The following RELN variants were observed in gnomAD, a reference collection of about 807,000 sequenced individuals.
The protein encoded by RELN is reelin.
RELN carries 108 observed loss-of-function variants against 427.6 expected under a neutral mutation model. The ratio of observed to expected loss-of-function variants is 0.25; its 90% CI spans 0.22 to 0.30. RELN has a LOEUF of 0.30. Ranked by LOEUF, RELN falls within the 10% of genes least tolerant of loss-of-function variation. The probability of loss-of-function intolerance (pLI) is 1.00; values close to 1 mark genes in which losing one functional copy is unlikely to be tolerated. For missense variants in RELN, 3,715 were observed against 4,302.8 expected (o/e 0.86, Z 3.82); for synonymous variants, 1,524 against 1,513.4 (o/e 1.01, Z -0.16).
chr7:103,582,401 C>A (rs1457717242), intron 28 of RELN, among the ~76,000 whole-genome samples: 1 of 152,200 alleles, frequency 6.6e-6, no homozygotes, highest in East Asian at 1.9e-4. Flanking sequence ...CTGCCACCTA[C>A]ACAACAAATT....
At chr7:103,888,476 A>C (rs1008378485) in intron 2 of RELN, among the ~76,000 whole-genome samples, 1 of 152,270 alleles carries the variant, frequency 6.6e-6, no homozygotes, top group African/African-American at 2.4e-5. Flanking sequence ...TAGTGTTTAT[A>C]TTTCCTCGAT....
intron 11 of RELN, among the ~76,000 whole-genome samples, chr7:103,671,636 C>G (rs368061866): frequency 1.3e-5 from 2 of 151,954 alleles, no homozygotes; most frequent in Non-Finnish European, 2.9e-5. Flanking sequence ...AGTGTTTTTA[C>G]TTTTTTCATG....
chr7:103,841,900 T>C (rs1257769102), intron 2 of RELN, among the ~76,000 whole-genome samples: 1 of 152,162 alleles, frequency 6.6e-6, no homozygotes, highest in African/African-American at 2.4e-5. Flanking sequence ...TGGTTAGTGT[T>C]AAAGTGGGTT....
intron 12 of RELN, among the ~76,000 whole-genome samples, chr7:103,659,711 T>G (rs556679278): frequency 6.6e-6 from 1 of 152,146 alleles, no homozygotes; most frequent in Admixed American, 6.6e-5. Context: ...CAGATGGTAC[T>G]TGTGGGTGGG....
At chr7:103,828,708 ATC>A (rs1419122236) in intron 3 of RELN, among the ~76,000 whole-genome samples, 1 of 151,970 alleles carries the variant, frequency 6.6e-6, no homozygotes, top group Non-Finnish European at 1.5e-5. Context: ...TATCATACAT[ATC>A]AAGATCAAAC....
chr7:103,567,472 G>A (rs1368322876), intron 31 of RELN, among the ~76,000 whole-genome samples: 1 of 152,198 alleles, frequency 6.6e-6, no homozygotes, highest in Non-Finnish European at 1.5e-5. Context: ...AGGATGCAGA[G>A]AAAGCGCAAT....
chr7:103,793,009 G>T (rs1182859286), intron 3 of RELN, among the ~76,000 whole-genome samples: 10 of 152,150 alleles, frequency 6.6e-5, no homozygotes, highest in Admixed American at 6.5e-4. Flanking sequence ...AAATACTGTG[G>T]TCCTTCAATG....
intron 11 of RELN, among the ~76,000 whole-genome samples, chr7:103,664,561 T>G (rs1833216128): frequency 6.6e-6 from 1 of 152,218 alleles, no homozygotes; most frequent in Admixed American, 6.5e-5. Flanking sequence ...TACTTCATTA[T>G]TGCTCTTCAA....
At chr7:103,751,231 A>C (rs747301531) in intron 5 of RELN, among the ~76,000 whole-genome samples, 37 of 152,214 alleles carry the variant, frequency 2.4e-4, no homozygotes, top group Non-Finnish European at 4.4e-4. Context: ...ATTAACAAAA[A>C]ACTCTCATAA....
intron 51 of RELN, among the ~76,000 whole-genome samples, chr7:103,504,107 G>A (rs1047399174): frequency 6.6e-6 from 1 of 152,124 alleles, no homozygotes. Flanking sequence ...AGGAGCCTGA[G>A]GCAGGAGAAT....
chr7:103,582,918 T>C (rs1331303211), intron 28 of RELN, among the ~76,000 whole-genome samples: 3 of 152,318 alleles, frequency 2.0e-5, no homozygotes, highest in East Asian at 3.9e-4. Flanking sequence ...CCAGTGTAGG[T>C]TGGCAAGGGA....
At chr7:103,890,198 CTTTTTT>C (rs5886284) in intron 2 of RELN, among the ~76,000 whole-genome samples, 1 of 148,660 alleles carries the variant, frequency 6.7e-6, no homozygotes, top group African/African-American at 2.5e-5. Context: ...GCACTCTGAA[CTTTTTT>C]TTTTTTTTTT....
intron 2 of RELN, among the ~76,000 whole-genome samples, chr7:103,899,650 C>T (rs1795039547): frequency 6.6e-6 from 1 of 151,646 alleles, no homozygotes; most frequent in African/African-American, 2.4e-5. Flanking sequence ...ACACAACATA[C>T]ACAAATTAAT....
At chr7:103,866,417 G>A (rs541858409) in intron 2 of RELN, among the ~76,000 whole-genome samples, 1 of 152,072 alleles carries the variant, frequency 6.6e-6, no homozygotes, top group South Asian at 2.1e-4. Flanking sequence ...AGCATGAGCT[G>A]GCTTCTCTTT....
chr7:103,731,509 T>A (rs1790353984), intron 6 of RELN, among the ~76,000 whole-genome samples: 1 of 152,132 alleles, frequency 6.6e-6, no homozygotes, highest in South Asian at 2.1e-4. Context: ...TATCTCCACT[T>A]AGACGATGCT....
intron 2 of RELN, among the ~76,000 whole-genome samples, chr7:103,850,676 C>T (rs1793800141): frequency 6.6e-6 from 1 of 152,150 alleles, no homozygotes; most frequent in South Asian, 2.1e-4. Context: ...CTTTCTTTCG[C>T]AGCTGGAAGG....
At chr7:103,872,043 C>CTTT (rs374943426) in intron 2 of RELN, among the ~76,000 whole-genome samples, 5 of 119,544 alleles carry the variant, frequency 4.2e-5, no homozygotes, top group African/African-American at 1.5e-4. Context: ...TTTCTTTTTT[C>CTTT]TTTTTTTTCT....
At chr7:103,872,029 TA>T (rs199964717) in intron 2 of RELN, among the ~76,000 whole-genome samples, 1,463 of 75,218 alleles carry the variant, frequency 0.019, 14 homozygotes, top group African/African-American at 0.04. Context: ...TATATATATA[TA>T]TTTTTCTTTT....
chr7:103,475,304 T>G (rs1200773921), intron 64 of RELN, among the ~76,000 whole-genome samples: 1 of 152,142 alleles, frequency 6.6e-6, no homozygotes, highest in African/African-American at 2.4e-5. Flanking sequence ...ACAACTAAAC[T>G]TTTGTTGGTA....
Sources: allele counts gnomAD v4.1 joint callset (sites outside exome capture counted in the v4.1 genomes callset), GRCh38; gene constraint gnomAD v4.1.1; transcripts MANE v1.5; gene names NCBI Gene and HGNC (gene_info 2026-07-23, HGNC 2026-07-21).